Variants in IL33 observed in about 807,000 individuals in gnomAD.
IL33 encodes interleukin-33.
In IL33, 37 loss-of-function variants were observed where a neutral mutation model predicts 27.3. The observed-to-expected ratio is 1.36, with a 90% CI of 1.04 to 1.78. The LOEUF (loss-of-function observed/expected upper bound fraction) is 1.78. Ranked by LOEUF, IL33 falls within the 40% of genes most tolerant of loss-of-function variation. The pLI, the probability that IL33 is intolerant of heterozygous loss-of-function variation, is 0.00. For synonymous variants in IL33, 132 were observed against 102.9 expected, an observed-to-expected ratio of 1.28 and a Z score of -1.71; for missense variants, 406 against 311.4, an observed-to-expected ratio of 1.30 and a Z score of -2.29.
Position 6,255,973 on chromosome 9 carries a change from T to C in IL33, c.618T>C (p.His206=), listed in dbSNP as rs1324125318. 1.2e-6 allele frequency: 2 copies of C among 1,613,232 alleles called. No homozygotes were observed. The highest frequency in any genetic ancestry group is 1.7e-6 in the Non-Finnish European group (2 of 1,179,292). The stretch of plus-strand genomic sequence containing the variant: ...TTTCTCTCTTGTTTCCTCAGCTCCA[T>C]AAGTGTGAAAAACCACTGCCAGACC... ...ANNKEHSVEL[H]KCEKPLPDQA... The change falls in exon 8 of 8, where the codon CAT becomes CAC. Residue 206 remains histidine (H), a synonymous_variant. Transcript: ENST00000682010.
At chr9:6,250,053 A>G (rs996301025) in intron 2 of IL33, among the ~76,000 whole-genome samples, 1 of 152,170 alleles carries the variant, frequency 6.6e-6, no homozygotes, top group Non-Finnish European at 1.5e-5. Flanking sequence ...ACACTCCCTC[A>G]TATGGAATTC....
At chr9:6,247,450 G>T (rs1819929688) in intron 2 of IL33, among the ~76,000 whole-genome samples, 1 of 152,150 alleles carries the variant, frequency 6.6e-6, no homozygotes, top group Admixed American at 6.5e-5. Context: ...CACCTCTGTG[G>T]TTTCCTATCA....
chr9:6,248,007 C>G (rs78100995), intron 2 of IL33, among the ~76,000 whole-genome samples: 23,103 of 151,978 alleles, frequency 0.15, 2,247 homozygotes, highest in South Asian at 0.25. Flanking sequence ...CCTGTTCCCC[C>G]CAGAGTCCAC....
At chr9:6,245,446 A>ATCATT (rs1320199685) in intron 2 of IL33, among the ~76,000 whole-genome samples, 5 of 152,198 alleles carry the variant, frequency 3.3e-5, no homozygotes, top group African/African-American at 9.6e-5. Flanking sequence ...TTTATCCTGT[A>ATCATT]GACAGTAGGG....
chr9:6,245,595 G>A (rs999362574), intron 2 of IL33, among the ~76,000 whole-genome samples: 2 of 152,168 alleles, frequency 1.3e-5, no homozygotes, highest in Admixed American at 1.3e-4. Context: ...GAGGTCTACT[G>A]CATTAATCTA....
intron 7 of IL33, among the ~76,000 whole-genome samples, chr9:6,255,208 T>C (rs998935064): frequency 6.6e-6 from 1 of 151,986 alleles, no homozygotes; most frequent in East Asian, 1.9e-4. Context: ...GGTAGAGGCA[T>C]GGAAGAAAAC....
intron 2 of IL33, chr9:6,242,759 C>T (rs1819605586): frequency 6.6e-6 from 1 of 152,184 alleles, no homozygotes; most frequent in East Asian, 1.9e-4. Context: ...TGCAGAAGCA[C>T]TGCCAGTAAT....
At chr9:6,252,075 AAACAAAACAAAACAAAAAAACC>A (rs1564073299) in intron 4 of IL33, among the ~76,000 whole-genome samples, 1 of 134,512 alleles carries the variant, frequency 7.4e-6, no homozygotes, top group Non-Finnish European at 1.6e-5. Flanking sequence ...ACCCAACAAA[AAACAAAACAAAACAAAAAAACC>A]AACTTTACCT....
chr9:6,217,869 A>G (rs1400845612), intron 1 of IL33, among the ~76,000 whole-genome samples: 1 of 146,884 alleles, frequency 6.8e-6, no homozygotes, highest in Non-Finnish European at 1.5e-5. Context: ...TGAAGTGTCT[A>G]GGGCAAAGAC....
At chr9:6,231,523 G>A (rs1043365319) in intron 1 of IL33, among the ~76,000 whole-genome samples, 1 of 152,072 alleles carries the variant, frequency 6.6e-6, no homozygotes, top group Non-Finnish European at 1.5e-5. Flanking sequence ...CACTACCTTA[G>A]TACCATTCTA....
rs561686624 is a variant in IL33, at chr9:6,232,873, A to C, written c.-11-8811A>C. On this transcript the variant is annotated intron_variant, in intron 1 of 7. Coordinates refer to ENST00000682010, the MANE Select transcript of IL33 (RefSeq NM_033439.4). ...AAATCTCATTCTGACCACCATCATC[A>C]TCAGAACATCTTTCTCTCTAAGATA... 5.3e-5 allele frequency among the ~76,000 whole-genome samples: 8 copies of C among 152,292 alleles called. No individual in the cohort carries two copies. The East Asian group carries it at 1.5e-3, about 29-fold the overall frequency.
At position 6,254,543 on chromosome 9, in the gene IL33, A is replaced by G; in HGVS notation, c.602A>G (p.His201Arg). ...TGGTTGCATGCCAACAACAAGGAAC[A>G]CTCTGTGGAGGTAAAAAAAAAAAAT... ...DFWLHANNKEHSVELHKCEKP... is the reference protein window; with the variant it reads ...DFWLHANNKERSVELHKCEKP... The change falls in exon 7 of 8, where the codon CAC becomes CGC. Residue 201 changes from histidine to arginine, a missense_variant. By Grantham distance (29) the His-to-Arg change is conservative (BLOSUM62 0). Transcript: ENST00000682010. The G allele has an allele frequency of 6.3e-7, 1 of 1,582,404 alleles. No homozygotes were observed. The highest frequency in any genetic ancestry group is 8.6e-7 in the Non-Finnish European group (1 of 1,165,282).
At chr9:6,249,277 T>C (rs1442167649) in intron 2 of IL33, among the ~76,000 whole-genome samples, 2 of 152,218 alleles carry the variant, frequency 1.3e-5, no homozygotes, top group African/African-American at 4.8e-5. Flanking sequence ...AGCATTATTT[T>C]AGGAAGGCAA....
intron 1 of IL33, among the ~76,000 whole-genome samples, chr9:6,238,875 A>G (rs1025292358): frequency 2.0e-5 from 3 of 152,216 alleles, no homozygotes; most frequent in African/African-American, 7.2e-5. Context: ...TTGCAGAACC[A>G]TACTAAGAGA....
Position 6,255,949 on chromosome 9 carries a change from T to G in IL33, c.613-19T>G. On this transcript the variant is annotated intron_variant, in intron 7 of 7. Coordinates refer to ENST00000682010, the MANE Select transcript of IL33 (RefSeq NM_033439.4). ...ACTTCCCATTCACATATGGATTGCT[T>G]TCTCTCTTGTTTCCTCAGCTCCATA... is the stretch of plus-strand genomic sequence containing the variant. 6.2e-7 allele frequency: 1 copy of G among 1,608,530 alleles called. No individual in the cohort carries two copies. The highest frequency in any genetic ancestry group is 8.5e-7 in the Non-Finnish European group (1 of 1,175,238).
intron 1 of IL33, among the ~76,000 whole-genome samples, chr9:6,227,288 T>C (rs1248717838): frequency 2.6e-5 from 4 of 152,240 alleles, no homozygotes; most frequent in African/African-American, 7.2e-5. Context: ...TGATTCTTTA[T>C]GTAATTCTTC....
chr9:6,254,600 T>C, intron 7 of IL33, 47 bp downstream of exon 7: 1 of 1,116,734 alleles, frequency 9.0e-7, no homozygotes, highest in Admixed American at 2.8e-5. Flanking sequence ...ATTACAGAAC[T>C]GTCATGAATG....
chr9:6,237,223 A>G (rs748226850), intron 1 of IL33, among the ~76,000 whole-genome samples: 2 of 152,218 alleles, frequency 1.3e-5, no homozygotes, highest in Non-Finnish European at 2.9e-5. Flanking sequence ...TGATGTTCCT[A>G]TTGCCATATG....
At position 6,241,802 on chromosome 9, in the gene IL33, T is replaced by C. The variant is rs758207229; in HGVS notation, c.91+17T>C. 1 of 1,552,894 alleles carries C rather than the reference T, an allele frequency of 6.4e-7. No individual in the cohort carries two copies. The highest frequency in any genetic ancestry group is 8.8e-7 in the Non-Finnish European group (1 of 1,130,698). ...AGCTGGGAAGTAAGGACTTAAGTTA[T>C]CTCTGAATGTTTTACGCACTATTTT... On this transcript the variant is annotated intron_variant, in intron 2 of 7. Transcript: ENST00000682010.
Sources: allele counts gnomAD v4.1 joint callset (sites outside exome capture counted in the v4.1 genomes callset), GRCh38; gene constraint gnomAD v4.1.1; transcripts MANE v1.5; gene names NCBI Gene and HGNC (gene_info 2026-07-23, HGNC 2026-07-21).